RNF17: variants seen among roughly 807,000 people sequenced by gnomAD.
The protein encoded by RNF17 is spermatogenesis associated 23.
In RNF17, 31 loss-of-function variants were observed where a neutral mutation model predicts 200.5. That is an observed-to-expected ratio of 0.15 (90% CI 0.12 to 0.21). RNF17 has a LOEUF of 0.21. RNF17 is among the 10% of genes least tolerant of loss of function. The pLI is 1.00. For synonymous variants in RNF17, 606 were observed against 637.8 expected, an observed-to-expected ratio of 0.95 and a Z score of 0.75; for missense variants, 1,628 against 1,905.1, an observed-to-expected ratio of 0.85 and a Z score of 2.71.
rs969338689 is a variant in RNF17 at position 24,868,681 on chromosome 13, G to T, written c.4243G>T (p.Ala1415Ser). Residue 1415 changes from alanine to serine, a missense_variant, in exon 31 of 36, where the codon GCT (alanine) becomes TCT (serine). By Grantham distance (99) the Ala-to-Ser change is moderately conservative. Around this residue, in one of 5 missense-constraint regions of RNF17, gnomAD observed 609 missense variants for 681.9 expected, o/e 0.89. Transcript: ENST00000255324. ...TCTGCCTTCCCCAGGAGAACTCTAT[G>T]CTGTTCAAGTTAAGCACGTTGTCTC... ...SSLPSPGELY[A>S]VQVKHVVSPN... 7 of 1,599,174 alleles carry T rather than the reference G, an allele frequency of 4.4e-6. No individual in the cohort carries two copies. The highest frequency in any genetic ancestry group is 6.0e-6 in the Non-Finnish European group (7 of 1,166,580).
chr13:24,840,588 A>C (rs7988782), intron 18 of RNF17, among the ~76,000 whole-genome samples: 2,604 of 152,288 alleles, frequency 0.017, 74 homozygotes, highest in African/African-American at 0.059. Flanking sequence ...GGAATGAATT[A>C]ACAGCATTTG....
At chr13:24,772,600 C>G (rs1261854702) in intron 2 of RNF17, among the ~76,000 whole-genome samples, 1 of 151,546 alleles carries the variant, frequency 6.6e-6, no homozygotes, top group Non-Finnish European at 1.5e-5. Flanking sequence ...AGGACATGAA[C>G]AGACACTTCT....
At chr13:24,806,249 T>C (rs934320246) in intron 15 of RNF17, among the ~76,000 whole-genome samples, 1 of 152,204 alleles carries the variant, frequency 6.6e-6, no homozygotes, top group African/African-American at 2.4e-5. Context: ...ATATTTTCTT[T>C]ATCCAGTCTA....
At chr13:24,771,942 T>C (rs889106795) in intron 2 of RNF17, among the ~76,000 whole-genome samples, 5 of 151,970 alleles carry the variant, frequency 3.3e-5, no homozygotes, top group African/African-American at 1.2e-4. Context: ...AGGCGGAGGT[T>C]GCAGTGAGCC....
At chr13:24,797,588 T>G (rs2137694078) in intron 11 of RNF17, among the ~76,000 whole-genome samples, 1 of 152,064 alleles carries the variant, frequency 6.6e-6, no homozygotes, top group African/African-American at 2.4e-5. Flanking sequence ...TCTGTGTGGG[T>G]TTTTTCAGGT....
At position 24,854,037 on chromosome 13, in the gene RNF17, C is replaced by T. The variant is rs1892215809; in HGVS notation, c.3503C>T (p.Thr1168Ile). The change falls in exon 25 of 36, where the codon ACC (threonine) becomes ATC (isoleucine). Residue 1168 changes from threonine to isoleucine, a missense_variant. By Grantham distance (89) the Thr-to-Ile change is moderately conservative (BLOSUM62 -1). Transcript: ENST00000255324. ...CAGGAGAAAATTCTAGAACCAAGAA[C>T]CACTAGAGGGTATAAGCCACCAGCT... ...EFQEKILEPR[T>I]TRGYKPPAIP... is the part of the protein sequence containing the mutation. 3 of 1,613,826 alleles carry T rather than the reference C, an allele frequency of 1.9e-6. No individual in the cohort carries two copies. The highest frequency in any genetic ancestry group is 3.3e-5 in the Admixed American group (2 of 60,008).
intron 6 of RNF17, among the ~76,000 whole-genome samples, chr13:24,785,256 TA>T (rs1195064856): frequency 1.3e-5 from 2 of 152,190 alleles, no homozygotes; most frequent in Non-Finnish European, 2.9e-5. Context: ...TTGCATCCCA[TA>T]AATTTTGTGT....
chr13:24,882,115 T>TATAGATACATCTATATAG (rs1357385207), downstream of RNF17, among the ~76,000 whole-genome samples: 2 of 31,038 alleles, frequency 6.4e-5, no homozygotes, highest in African/African-American at 1.7e-4. Context: ...TATATAGATA[T>TATAGATACATCTATATAG]ATAGATACAT....
rs748224275 is a variant in RNF17 at position 24,789,693 on chromosome 13, T to C, written c.861-5T>C. The C allele has an allele frequency of 2.2e-5, 34 of 1,565,150 alleles. No homozygotes were observed. The East Asian group carries it at 7.4e-4, about 34-fold the overall frequency. On this transcript the variant is annotated splice_polypyrimidine_tract_variant and splice_region_variant and intron_variant, in intron 8 of 35. Coordinates refer to ENST00000255324, the MANE Select transcript of RNF17 (RefSeq NM_031277.3). The stretch of plus-strand genomic sequence containing the variant: ...ATTTATGTATATGTTAATGTTTTAT[T>C]ATAGGTTGAGTGTGAATTGCAGTGA...
chr13:24,762,895 C>A (rs559681692), upstream of RNF17, among the ~76,000 whole-genome samples: 3 of 152,286 alleles, frequency 2.0e-5, no homozygotes, highest in East Asian at 3.9e-4. Flanking sequence ...CTCCGAAATT[C>A]TTCCCTGACA....
Position 24,830,407 on chromosome 13 carries a change from T to A in RNF17, c.2246-77T>A, listed in dbSNP as rs1001803451. On this transcript the variant is annotated intron_variant, in intron 16 of 35. Transcript: ENST00000255324. ...GAAGCTAAAAGTATTCTAATCTAGT[T>A]GGCCATAAACCAATCTAAATTTTTC... is the stretch of plus-strand genomic sequence containing the variant. 7 of 777,474 alleles carry A rather than the reference T, an allele frequency of 9.0e-6. No individual in the cohort carries two copies. In the African/African-American group the frequency reaches 1.2e-4, roughly 14 times the overall value. The allele number at this position is 777,474 out of a possible 1,614,324, so 48.2% of individuals were successfully genotyped here.
intron 12 of RNF17, 63 bp downstream of exon 12, chr13:24,799,647 T>C: frequency 2.1e-6 from 2 of 947,740 alleles, no homozygotes; most frequent in Non-Finnish European, 3.2e-6. Flanking sequence ...GAGGTGGAGT[T>C]AAAGAATAAA....
Position 24,879,294 on chromosome 13 carries a change from G to A in RNF17, c.*9G>A. 2 of 1,569,866 alleles carry A rather than the reference G, an allele frequency of 1.3e-6. No homozygotes were observed. The highest frequency in any genetic ancestry group is 1.8e-6 in the Non-Finnish European group (2 of 1,139,992). On this transcript the variant is annotated splice_region_variant and 3_prime_UTR_variant, in exon 35 of 36. Coordinates refer to ENST00000255324, the MANE Select transcript of RNF17 (RefSeq NM_031277.3). Reference sequence around the variant, plus strand: ...CAGATAAAGATGAATAAGTGCCTAAGTGTAAGTTCTCATTCTCTTCATAGC... The same window carrying A: ...CAGATAAAGATGAATAAGTGCCTAAATGTAAGTTCTCATTCTCTTCATAGC...
chr13:24,880,251 AG>A (rs1052868461), downstream of RNF17, among the ~76,000 whole-genome samples: 14 of 152,214 alleles, frequency 9.2e-5, no homozygotes, highest in Non-Finnish European at 1.3e-4. Context: ...AGAAATGCAA[AG>A]GGGGGAAACG....
At position 24,779,717 on chromosome 13, in the gene RNF17, T is replaced by C; in HGVS notation, c.480T>C (p.His160=). ...ATGAAGCATTGAATACAGCACACCA[T>C]AGTTTCGAACAGTTAAGCATTGCTG... ...EIDEALNTAH[H]SFEQLSIAGK... Residue 160 remains histidine, a synonymous_variant, in exon 5 of 36, where the codon CAT becomes CAC. Transcript: ENST00000255324. 6.2e-7 allele frequency: 1 copy of C among 1,613,634 alleles called. No individual in the cohort carries two copies. The highest frequency in any genetic ancestry group is 1.1e-5 in the South Asian group (1 of 91,064).
intron 2 of RNF17, among the ~76,000 whole-genome samples, chr13:24,771,403 C>A (rs1880676554): frequency 7.3e-6 from 1 of 136,310 alleles, no homozygotes; most frequent in Admixed American, 9.0e-5. Flanking sequence ...CTATGTTGCC[C>A]AGGCTGGTCA....
At chr13:24,766,235 A>C (rs1283066598) in intron 1 of RNF17, among the ~76,000 whole-genome samples, 1 of 152,244 alleles carries the variant, frequency 6.6e-6, no homozygotes, top group African/African-American at 2.4e-5. Context: ...TAAATAAATA[A>C]AATTAATGCG....
chr13:24,778,548 C>T lies in RNF17; in HGVS notation c.429+142C>T, dbSNP rs193139327. On this transcript the variant is annotated intron_variant, in intron 4 of 35. Coordinates refer to ENST00000255324, the MANE Select transcript of RNF17 (RefSeq NM_031277.3). The stretch of plus-strand genomic sequence containing the variant: ...TTAACCCACCCTCTTACTTGAATCT[C>T]TTTTGTTCTATGCTTAGACAGTTCT... 4,257 of 660,386 alleles carry T rather than the reference C, an allele frequency of 6.4e-3. 159 individuals are homozygous for T. Among genetic ancestry groups the T allele is most frequent in the South Asian group, 0.06 (3,579 of 59,882 alleles). The allele number at this position is 660,386 out of a possible 1,614,324, so 40.9% of individuals were successfully genotyped here.
At chr13:24,834,602 T>C (rs1889765407) in intron 18 of RNF17, among the ~76,000 whole-genome samples, 1 of 152,064 alleles carries the variant, frequency 6.6e-6, no homozygotes, top group African/African-American at 2.4e-5. Flanking sequence ...TGGGAGAAGT[T>C]TCCAACTTTA....
Sources: gnomAD v4.1 joint callset for allele counts (sites outside exome capture counted in the v4.1 genomes callset) on GRCh38, gnomAD v4.1.1 for gene constraint, gnomAD v4.1.1 regional missense constraint, MANE v1.5 for transcripts, NCBI Gene and HGNC (gene_info 2026-07-23, HGNC 2026-07-21) for gene names.